ALG11: variants seen among roughly 807,000 people sequenced by gnomAD.
The protein encoded by ALG11 is GDP-Man:Man(3)GlcNAc(2)-PP-Dol alpha-1,2-mannosyltransferase.
A neutral mutation model predicts 38.8 loss-of-function variants in ALG11; 26 were observed. The ratio of observed to expected loss-of-function variants is 0.67; its 90% confidence interval spans 0.49 to 0.93. The LOEUF (loss-of-function observed/expected upper bound fraction) is 0.93. Among genes scored for constraint, ALG11 ranks in the 40% least tolerant of loss-of-function variants. The probability of loss-of-function intolerance (pLI) is 0.00; values close to 1 mark genes in which losing one functional copy is unlikely to be tolerated. For synonymous variants in ALG11, 199 were observed against 211.6 expected (o/e 0.94, Z 0.52); for missense variants, 535 against 578.8 (o/e 0.92, Z 0.78).
Position 52,024,710 on chromosome 13 carries a change from A to C in ALG11, c.980A>C (p.Asn327Thr). ...LQIRAFAKLL[N>T]KKMVESPPSL... ...ATCAGAGCCTTTGCTAAATTGCTGA[A>C]TAAGAAGATGGTTGAGTCACCTCCT... The change falls in exon 3 of 4, where the codon AAT becomes ACT. Residue 327 changes from asparagine to threonine, a missense_variant. Asn to Thr is a moderately conservative substitution (Grantham distance 65). Transcript: ENST00000521508. The C allele has an allele frequency of 6.2e-7, 1 of 1,614,250 alleles. No homozygotes were observed. The highest frequency in any genetic ancestry group is 8.5e-7 in the Non-Finnish European group (1 of 1,180,030).
chr13:52,021,466 C>CAA, intron 2 of ALG11: 1 of 152,080 alleles, frequency 6.6e-6, no homozygotes. Context: ...CTGGTTGGAG[C>CAA]TTGGCGTGTT....
intron 3 of ALG11, among the ~76,000 whole-genome samples, chr13:52,025,763 G>T (rs1037100896): frequency 7.2e-5 from 11 of 152,198 alleles, no homozygotes. Flanking sequence ...AGCGCTTTGT[G>T]CCTCACACTG....
chr13:52,026,494 G>A (rs537686982), intron 3 of ALG11, among the ~76,000 whole-genome samples: 19 of 152,308 alleles, frequency 1.2e-4, no homozygotes, highest in Admixed American at 8.5e-4. Flanking sequence ...AAGATGAGCC[G>A]GCCTACTGTA....
chr13:52,012,825 A>T (rs1008876802), intron 1 of ALG11, among the ~76,000 whole-genome samples: 3 of 151,580 alleles, frequency 2.0e-5, no homozygotes, highest in Non-Finnish European at 2.9e-5. Flanking sequence ...CCAATCTATC[A>T]TGTCTCTTTT....
chr13:52,016,229 T>G (rs1163316517), intron 1 of ALG11: 1 of 152,218 alleles, frequency 6.6e-6, no homozygotes, highest in Non-Finnish European at 1.5e-5. Context: ...AGAAGTGACT[T>G]GGGTGCTCTT....
intron 1 of ALG11, 36 bp downstream of exon 1, chr13:52,012,498 C>A (rs769861808): frequency 6.2e-7 from 1 of 1,613,776 alleles, no homozygotes; most frequent in East Asian, 2.2e-5. Context: ...CAGACGTTTT[C>A]TCTTCTGTAG....
chr13:52,028,630 G>A lies in ALG11; in HGVS notation c.*40G>A, dbSNP rs745659911. 8 of 1,585,646 alleles carry A rather than the reference G, an allele frequency of 5.0e-6. No homozygotes were observed. In the African/African-American group the frequency reaches 9.5e-5, roughly 19 times the overall value. On this transcript the variant is annotated 3_prime_UTR_variant, in exon 4 of 4. Transcript: ENST00000521508. ...AATTAAAGATATTTTATATAAACTG[G>A]TTAAACACCTTCATATGTAAATATT...
In ALG11 at chr13:52,032,994, T is replaced by C. The variant is rs1323632786; in HGVS notation, c.*4404T>C. ...CACTCAATTGCCTTATTCCTGAGGATGTAGTGAAGGAAGAAAAAGTTTTCT... is the reference window on the plus strand; with the variant it reads ...CACTCAATTGCCTTATTCCTGAGGACGTAGTGAAGGAAGAAAAAGTTTTCT... On this transcript the variant is annotated 3_prime_UTR_variant, in exon 4 of 4. Transcript: ENST00000521508. 1 of 167,106 alleles carries C rather than the reference T, an allele frequency of 6.0e-6. No homozygotes were observed. Among genetic ancestry groups the C allele is most frequent in the African/African-American group, 2.4e-5 (1 of 41,458 alleles). 10.4% of individuals were successfully genotyped at this position (167,106 alleles called of 1,614,324 possible).
In ALG11 at chr13:52,030,034, A is replaced by AC. The variant is rs1341234884; in HGVS notation, c.*1446dup. The stretch of plus-strand genomic sequence containing the variant: ...TTTCTGCAAGTGAGGCAGAAGAAAG[A>AC]CCAGTGGCAGAGGAAGAAATTTTGT... On this transcript the variant is annotated 3_prime_UTR_variant, in exon 4 of 4. Transcript: ENST00000521508. 1.2e-6 allele frequency: 2 copies of AC among 1,613,944 alleles called. No individual in the cohort carries two copies. The highest frequency in any genetic ancestry group is 2.7e-5 in the African/African-American group (2 of 74,940).
rs538780636 is a variant in ALG11, at chr13:52,013,057, G to A, written c.44+595G>A. On this transcript the variant is annotated intron_variant, in intron 1 of 3. Coordinates refer to ENST00000521508, the MANE Select transcript of ALG11 (RefSeq NM_001004127.3). ...TTTCTTCTAGAAAAATTAGAAAATA[G>A]ATAAGTAAAAGGAAAAAACCCCAGG... is the stretch of plus-strand genomic sequence containing the variant. 6.0e-4 allele frequency among the ~76,000 whole-genome samples: 91 copies of A among 152,218 alleles called. 2 individuals are homozygous for A. In the South Asian group the frequency reaches 0.018, roughly 30 times the overall value.
chr13:52,013,507 C>T (rs1954105714), intron 1 of ALG11, among the ~76,000 whole-genome samples: 1 of 152,198 alleles, frequency 6.6e-6, no homozygotes, highest in Admixed American at 6.5e-5. Context: ...ACTTAAAGGA[C>T]AGGTTTAACT....
chr13:52,030,208 ACAT>A lies in ALG11; in HGVS notation c.*1621_*1623del, dbSNP rs759076110. ...CACTATCTCAGAAATTGAAGGAAAA[ACAT>A]CAGTCCAGGAAGCAAAAAGCAAGTT... On this transcript the variant is annotated 3_prime_UTR_variant, in exon 4 of 4. Transcript: ENST00000521508. 12 of 1,614,074 alleles carry A rather than the reference ACAT, an allele frequency of 7.4e-6. No individual in the cohort carries two copies. The highest frequency in any genetic ancestry group is 3.3e-5 in the South Asian group (3 of 91,086).
At position 52,029,165 on chromosome 13, in the gene ALG11, A is replaced by G. The variant is rs1954271598; in HGVS notation, c.*575A>G. ...GAAGGTGGTGGAGTTACCTCTTAAC[A>G]AAGAAAAAATTGAACAGATCCACAG... On this transcript the variant is annotated 3_prime_UTR_variant, in exon 4 of 4. Coordinates refer to ENST00000521508, the MANE Select transcript of ALG11 (RefSeq NM_001004127.3). The G allele has an allele frequency of 1.2e-6, 2 of 1,614,242 alleles. No individual in the cohort carries two copies. The highest frequency in any genetic ancestry group is 1.7e-6 in the Non-Finnish European group (2 of 1,180,050).
In ALG11 at chr13:52,024,048, T is replaced by C. The variant is rs141164575; in HGVS notation, c.318T>C (p.Asn106=). 24 of 1,614,194 alleles carry C rather than the reference T, an allele frequency of 1.5e-5. No homozygotes were observed. The highest frequency in any genetic ancestry group is 2.0e-5 in the Non-Finnish European group (24 of 1,180,020). ...ATGTTGTTTATACCGGCGATGTTAA[T>C]GTCAACGGTCAACAGATACTAGAAG... ...AVYVVYTGDV[N]VNGQQILEGA... Residue 106 remains asparagine (N), a synonymous_variant, in exon 3 of 4, where the codon AAT becomes AAC. Coordinates refer to ENST00000521508, the MANE Select transcript of ALG11 (RefSeq NM_001004127.3).
Position 52,031,309 on chromosome 13 carries a change from T to TCTAATCAGACATTAGAAC in ALG11, c.*2719_*2720insCTAATCAGACATTAGAAC, listed in dbSNP as rs1297163622. On this transcript the variant is annotated 3_prime_UTR_variant, in exon 4 of 4. Coordinates refer to ENST00000521508, the MANE Select transcript of ALG11 (RefSeq NM_001004127.3). ...ACATTAGAACACAGAAAAATTCTAG[T>TCTAATCAGACATTAGAAC]ACATTTAAATTCTAAACAATACAGT... 4.0e-6 allele frequency: 3 copies of TCTAATCAGACATTAGAAC among 746,426 alleles called. No homozygotes were observed. Among genetic ancestry groups the TCTAATCAGACATTAGAAC allele is most frequent in the Non-Finnish European group, 6.3e-6 (3 of 475,844 alleles). 46.2% of individuals were successfully genotyped at this position (746,426 alleles called of 1,614,324 possible).
At position 52,028,809 on chromosome 13, in the gene ALG11, A is replaced by G. The variant is rs754909956; in HGVS notation, c.*219A>G. On this transcript the variant is annotated 3_prime_UTR_variant, in exon 4 of 4. Coordinates refer to ENST00000521508, the MANE Select transcript of ALG11 (RefSeq NM_001004127.3). ...TGAGAGAGGCTGGCTGCTGAGATGAATGTGAACCAGGTTGCAGAGAATCTG... is the reference window on the plus strand; with the variant it reads ...TGAGAGAGGCTGGCTGCTGAGATGAGTGTGAACCAGGTTGCAGAGAATCTG... 8 of 1,614,234 alleles carry G rather than the reference A, an allele frequency of 5.0e-6. No individual in the cohort carries two copies. In the East Asian group the frequency reaches 1.6e-4, roughly 31 times the overall value.
Position 52,024,652 on chromosome 13 carries a change from C to T in ALG11, c.922C>T (p.Gln308Ter). 1 of 1,613,970 alleles carries T rather than the reference C, an allele frequency of 6.2e-7. No homozygotes were observed. The highest frequency in any genetic ancestry group is 8.5e-7 in the Non-Finnish European group (1 of 1,179,910). The change falls in exon 3 of 4, where the codon CAG becomes TAG. Residue 308 changes from glutamine to a stop codon, truncating the protein, a stop_gained. Transcript: ENST00000521508. LOFTEE classifies it high-confidence loss of function. ...TPGHLLVSVGQFRPEKNHPLQ... is the reference protein window; with the variant it reads ...TPGHLLVSVG ...AGGACATTTGCTGGTTTCTGTTGGC[C>T]AGTTTAGGCCGGAAAAGAATCATCC...
Position 52,018,959 on chromosome 13 carries a change from T to G in ALG11, c.91T>G (p.Leu31Val), listed in dbSNP as rs1395067623. The G allele has an allele frequency of 1.2e-6, 2 of 1,613,978 alleles. No individual in the cohort carries two copies. Among genetic ancestry groups the G allele is most frequent in the African/African-American group, 2.7e-5 (2 of 74,916 alleles). Reference sequence around the variant, plus strand: ...CCCTGGGCTCATTGTATGTGGAACTTTATGTGTGTGTTTGGTCATTGTCCT... The same window carrying G: ...CCCTGGGCTCATTGTATGTGGAACTGTATGTGTGTGTTTGGTCATTGTCCT... Reference protein sequence around the residue: ...FFPGLIVCGTLCVCLVIVLWG... With the variant: ...FFPGLIVCGTVCVCLVIVLWG... Residue 31 changes from leucine (L) to valine (V), a missense_variant, in exon 2 of 4, where the codon TTA becomes GTA. By Grantham distance (32) the Leu-to-Val change is conservative (BLOSUM62 1). Coordinates refer to ENST00000521508, the MANE Select transcript of ALG11 (RefSeq NM_001004127.3).
chr13:52,014,261 A>G (rs896597248), intron 1 of ALG11, among the ~76,000 whole-genome samples: 3 of 152,220 alleles, frequency 2.0e-5, no homozygotes, highest in Non-Finnish European at 4.4e-5. Context: ...CATTAAAAAG[A>G]TTTGCAAAAA....
Sources: allele counts gnomAD v4.1 joint callset (sites outside exome capture counted in the v4.1 genomes callset), GRCh38; gene constraint gnomAD v4.1.1; transcripts MANE v1.5; gene names NCBI Gene and HGNC (gene_info 2026-07-23, HGNC 2026-07-21).